The following SYT3 variants were observed in gnomAD, a reference collection of about 807,000 sequenced individuals.
SYT3 encodes the protein synaptotagmin-3.
Under a neutral mutation model 50.6 loss-of-function variants are expected in SYT3, and 25 were observed. That is an observed-to-expected ratio of 0.49 (90% CI 0.36 to 0.69). SYT3 has a LOEUF of 0.69. SYT3 is among the 30% of genes least tolerant of loss of function. The pLI, the probability that SYT3 is intolerant of heterozygous loss-of-function variation, is 0.00. For synonymous variants in SYT3, 323 were observed against 353.9 expected (o/e 0.91, Z 0.98); for missense variants, 589 against 793.6 (o/e 0.74, Z 3.10).
the SYT3 span, chr19:50,656,341 A>G: frequency 6.5e-7 from 1 of 1,535,196 alleles, no homozygotes; most frequent in East Asian, 2.4e-5. Context: ...CTGCATGGAG[A>G]CCTTGGTGAG....
intron 4 of SYT3, among the ~76,000 whole-genome samples, chr19:50,631,096 A>C (rs1331182219): frequency 6.6e-6 from 1 of 151,136 alleles, no homozygotes; most frequent in Non-Finnish European, 1.5e-5. Flanking sequence ...TCAGGCGGGC[A>C]CTCAAAGCCC....
rs1315179606 is a variant in SYT3 at position 50,630,690 on chromosome 19, TG to T, written c.675-520del. On this transcript the variant is annotated intron_variant, in intron 4 of 10. Coordinates refer to ENST00000600079, the MANE Select transcript of SYT3 (RefSeq NM_001160329.2). ...TGCCCGCCTCGGCCTCCCAAAGTGCTGGGATTACAGGTGTGAGCCACCACAC... is the reference window on the plus strand; with the variant it reads ...TGCCCGCCTCGGCCTCCCAAAGTGCTGGATTACAGGTGTGAGCCACCACAC... Among the ~76,000 whole-genome samples the T allele has an allele frequency of 2.6e-5, 4 of 152,134 alleles. No homozygotes were observed. The East Asian group carries it at 7.7e-4, about 29-fold the overall frequency.
chr19:50,643,943 G>C (rs1984720333), upstream of SYT3, among the ~76,000 whole-genome samples: 1 of 152,180 alleles, frequency 6.6e-6, no homozygotes, highest in African/African-American at 2.4e-5. Flanking sequence ...AGGATGAGTA[G>C]GCATAAGCCA....
At chr19:50,634,189 ATGGGAATTT>A (rs1437831207) in intron 3 of SYT3, among the ~76,000 whole-genome samples, 1 of 152,192 alleles carries the variant, frequency 6.6e-6, no homozygotes, top group African/African-American at 2.4e-5. Flanking sequence ...CCTTCAAGGA[ATGGGAATTT>A]GTTTTGAAAT....
chr19:50,636,256 C>A (rs1289650558), intron 3 of SYT3, among the ~76,000 whole-genome samples: 2 of 148,366 alleles, frequency 1.3e-5, no homozygotes, highest in Non-Finnish European at 3.0e-5. Flanking sequence ...GAAACTCCAT[C>A]TCAAAAACAA....
the SYT3 span, among the ~76,000 whole-genome samples, chr19:50,650,719 C>G: frequency 4.6e-5 from 7 of 152,204 alleles, no homozygotes; most frequent in South Asian, 2.1e-4. Context: ...AAAACCAAAA[C>G]TCACTGCAGC....
At chr19:50,654,804 T>C in the SYT3 span, among the ~76,000 whole-genome samples, 1 of 136,060 alleles carries the variant, frequency 7.3e-6, no homozygotes, top group Non-Finnish European at 1.6e-5. Flanking sequence ...TAATTAAAAA[T>C]TTTTTTTTGT....
At chr19:50,641,345 A>G (rs1170607326), upstream of SYT3, among the ~76,000 whole-genome samples, 4 of 149,808 alleles carry the variant, frequency 2.7e-5, no homozygotes, top group African/African-American at 9.8e-5. Flanking sequence ...GTGCCCGGCT[A>G]ATTTTTTTTG....
At chr19:50,655,981 A>G in the SYT3 span, 1 of 1,421,626 alleles carries the variant, frequency 7.0e-7, no homozygotes, top group East Asian at 2.5e-5. Context: ...GCAATTGGTG[A>G]TGGCCATTTA....
At chr19:50,645,048 CAT>C in the SYT3 span, among the ~76,000 whole-genome samples, 1 of 152,218 alleles carries the variant, frequency 6.6e-6, no homozygotes, top group Non-Finnish European at 1.5e-5. Flanking sequence ...GGCATGCACA[CAT>C]GTGTGTAAAT....
At chr19:50,634,109 T>C (rs1000200536) in intron 3 of SYT3, among the ~76,000 whole-genome samples, 3 of 152,248 alleles carry the variant, frequency 2.0e-5, no homozygotes, top group African/African-American at 7.2e-5. Context: ...AAGTACAGAA[T>C]TGTTCTTACA....
At chr19:50,644,449 G>GA (rs1170381624), upstream of SYT3, among the ~76,000 whole-genome samples, 1 of 152,058 alleles carries the variant, frequency 6.6e-6, no homozygotes, top group African/African-American at 2.4e-5. Flanking sequence ...TAGATGAAGG[G>GA]ATGGATGAGT....
chr19:50,657,614 G>C, the SYT3 span, among the ~76,000 whole-genome samples: 1 of 152,166 alleles, frequency 6.6e-6, no homozygotes, highest in Non-Finnish European at 1.5e-5. Flanking sequence ...CTTAAATCCT[G>C]GCAGAAATTT....
intron 10 of SYT3, 53 bp from the exon 11 acceptor site, chr19:50,622,534 C>T (rs1225639062): frequency 6.3e-6 from 4 of 632,346 alleles, no homozygotes; most frequent in African/African-American, 1.9e-5. Context: ...AACTGCACCA[C>T]GACCTCCTGT....
chr19:50,643,018 C>T (rs1168744293), upstream of SYT3, among the ~76,000 whole-genome samples: 2 of 152,024 alleles, frequency 1.3e-5, no homozygotes, highest in East Asian at 1.9e-4. Context: ...TGAGGCTCAC[C>T]AAGGGAAGCG....
intron 4 of SYT3, 112 bp from the exon 5 acceptor site, chr19:50,630,283 G>T: frequency 8.8e-7 from 1 of 1,142,600 alleles, no homozygotes; most frequent in Non-Finnish European, 1.2e-6. Context: ...CAGCCAGGTG[G>T]CCACAAGTCC....
chr19:50,643,376 G>A (rs575467615), upstream of SYT3, among the ~76,000 whole-genome samples: 1 of 151,506 alleles, frequency 6.6e-6, no homozygotes, highest in Non-Finnish European at 1.5e-5. Context: ...CCGGATGGAT[G>A]TGCGTTTACA....
At chr19:50,641,006 G>A (rs751932946), upstream of SYT3, among the ~76,000 whole-genome samples, 3 of 152,006 alleles carry the variant, frequency 2.0e-5, no homozygotes, top group Non-Finnish European at 2.9e-5. Flanking sequence ...ATCCCTTGAA[G>A]CCAGGAGTTT....
the SYT3 span, among the ~76,000 whole-genome samples, chr19:50,645,795 G>C: frequency 6.6e-6 from 1 of 152,098 alleles, no homozygotes; most frequent in Non-Finnish European, 1.5e-5. Context: ...CGGGAAGATC[G>C]CTTGAGCCTA....
Sources: allele counts gnomAD v4.1 joint callset (sites outside exome capture counted in the v4.1 genomes callset), GRCh38; gene constraint gnomAD v4.1.1; transcripts MANE v1.5; gene names NCBI Gene and HGNC (gene_info 2026-07-23, HGNC 2026-07-21).